The following SARDH variants were observed in gnomAD, a reference collection of about 807,000 sequenced individuals.
SARDH encodes sarcosine dehydrogenase.
A neutral mutation model predicts 109.1 loss-of-function variants in SARDH; 95 were observed. The ratio of observed to expected loss-of-function variants is 0.87; its 90% CI spans 0.74 to 1.03. The LOEUF is 1.03. SARDH is among the 50% of genes least tolerant of loss of function. The pLI, the probability that SARDH is intolerant of heterozygous loss-of-function variation, is 0.00. For missense variants in SARDH, 1,267 were observed against 1,287.8 expected (o/e 0.98, Z 0.25); for synonymous variants, 572 against 534.8 (o/e 1.07, Z -0.96).
rs573878635 is a variant in SARDH at position 133,735,547 on chromosome 9, A to G, written c.-30-1344T>C. The stretch of plus-strand genomic sequence containing the variant: ...GTCACCATGTCCTGGGGACGCAGCA[A>G]CCGTGGTGACTGCAATCCACACAAT... On this transcript the variant is annotated intron_variant, in intron 1 of 20. Transcript: ENST00000439388. Among the ~76,000 whole-genome samples the G allele has an allele frequency of 4.9e-4, 74 of 152,308 alleles. 1 individual carries two copies. In the South Asian group the frequency reaches 0.013, roughly 26 times the overall value.
At chr9:133,701,630 C>T (rs531393766) in intron 13 of SARDH, among the ~76,000 whole-genome samples, 1 of 152,332 alleles carries the variant, frequency 6.6e-6, no homozygotes, top group East Asian at 1.9e-4. Flanking sequence ...GCTTTAGAAG[C>T]TGTGGGTGCG....
Position 133,670,632 on chromosome 9 carries a change from T to C in SARDH, c.2447A>G (p.Gln816Arg). The stretch of plus-strand genomic sequence containing the variant: ...GCGCCGGCGGAGGCCTGCGGCCCGC[T>C]GCTGCTCCAGGGCCTCCCTCCCCAG... ...PFLGREALEQ[Q>R]RAAGLRRRLV... Residue 816 changes from glutamine to arginine, a missense_variant, in exon 19 of 21, where the codon CAG (glutamine) becomes CGG (arginine). Gln to Arg is a conservative substitution (Grantham distance 43, BLOSUM62 1). Coordinates refer to ENST00000439388, the MANE Select transcript of SARDH (RefSeq NM_001134707.2). The C allele has an allele frequency of 6.3e-7, 1 of 1,583,798 alleles. No individual in the cohort carries two copies. Among genetic ancestry groups the C allele is most frequent in the Non-Finnish European group, 8.6e-7 (1 of 1,165,564 alleles).
intron 13 of SARDH, among the ~76,000 whole-genome samples, chr9:133,698,889 C>G (rs934678449): frequency 6.6e-6 from 1 of 152,116 alleles, no homozygotes; most frequent in African/African-American, 2.4e-5. Flanking sequence ...ACACAAGCAA[C>G]AAAACAAAAA....
chr9:133,729,349 A>G (rs1411862900), intron 6 of SARDH, among the ~76,000 whole-genome samples: 1 of 152,120 alleles, frequency 6.6e-6, no homozygotes, highest in Non-Finnish European at 1.5e-5. Context: ...GAAGGCTCTC[A>G]GGGAGGTTAT....
rs1452007530 is a variant in SARDH at position 133,731,425 on chromosome 9, CAG to C, written c.568_569del (p.Leu190ValfsTer43). The C allele has an allele frequency of 1.9e-6, 3 of 1,614,050 alleles. No individual in the cohort carries two copies. Among genetic ancestry groups the C allele is most frequent in the East Asian group, 2.2e-5 (1 of 44,892 alleles). On this transcript the variant is annotated frameshift_variant, in exon 4 of 21. Transcript: ENST00000439388. LOFTEE classifies it high-confidence loss of function. The part of the protein sequence containing the change: ...HVLSPAETKT[L>X]YPLMNVDDLY... ...GGTCGTCCACATTCATCAGCGGGTA[CAG>C]AGTCTTGGTCTCTGCCGGGCTCAGC...
rs374925814 is a variant in SARDH, at chr9:133,712,757, C to A, written c.1238-48G>T. ...GCTGCGGTCTGCCCCCCAGGGTCCCCCACCCATGTCCAAACATGTGCCCCC... is the reference window on the plus strand; with the variant it reads ...GCTGCGGTCTGCCCCCCAGGGTCCCACACCCATGTCCAAACATGTGCCCCC... On this transcript the variant is annotated intron_variant, in intron 9 of 20. Coordinates refer to ENST00000439388, the MANE Select transcript of SARDH (RefSeq NM_001134707.2). This position sits in a 1 kb window ranked among gnomAD's most constrained non-coding sequence, Gnocchi z 4.1. The A allele has an allele frequency of 6.5e-7, 1 of 1,550,164 alleles. No individual in the cohort carries two copies. The highest frequency in any genetic ancestry group is 1.1e-5 in the South Asian group (1 of 89,604).
At chr9:133,674,921 A>C (rs939370577) in intron 17 of SARDH, among the ~76,000 whole-genome samples, 1 of 152,272 alleles carries the variant, frequency 6.6e-6, no homozygotes, top group Non-Finnish European at 1.5e-5. Flanking sequence ...ACGCTAACAA[A>C]GAGTGAAAAG....
Position 133,693,465 on chromosome 9 carries a change from C to T in SARDH, c.1921+793G>A, listed in dbSNP as rs1445282172. Among the ~76,000 whole-genome samples, 4 of 152,222 alleles carry T rather than the reference C, an allele frequency of 2.6e-5. No homozygotes were observed. Among genetic ancestry groups the T allele is most frequent in the Admixed American group, 1.3e-4 (2 of 15,282 alleles). On this transcript the variant is annotated intron_variant, in intron 15 of 20. Transcript: ENST00000439388. The surrounding 1 kb of genome is among the most constrained non-coding windows in gnomAD (Gnocchi z 5.6). ...TTTTCTGAATGGGCTGAGCCCTCCC[C>T]GCTGACTGTGCCCCTGCCCCGGGGA...
rs1831180518 is a variant in SARDH, at chr9:133,693,668, G to A, written c.1921+590C>T. ...GTGTGAACCCAGGGACAGGATCAGG[G>A]AGCTGAAGGGACAAGAGGCAGGTCC... is the stretch of plus-strand genomic sequence containing the variant. On this transcript the variant is annotated intron_variant, in intron 15 of 20. Transcript: ENST00000439388. The surrounding 1 kb of genome is among the most constrained non-coding windows in gnomAD (Gnocchi z 5.6). Among the ~76,000 whole-genome samples the A allele has an allele frequency of 6.6e-6, 1 of 152,180 alleles. No individual in the cohort carries two copies. Among genetic ancestry groups the A allele is most frequent in the African/African-American group, 2.4e-5 (1 of 41,440 alleles).
At chr9:133,698,172 G>A (rs1292083228) in intron 13 of SARDH, among the ~76,000 whole-genome samples, 1 of 151,966 alleles carries the variant, frequency 6.6e-6, no homozygotes, top group Non-Finnish European at 1.5e-5. Context: ...AATTATATTT[G>A]TAATATCATC....
At position 133,666,808 on chromosome 9, in the gene SARDH, C is replaced by T. The variant is rs375197945; in HGVS notation, c.2558G>A (p.Arg853Gln). 19 of 1,608,020 alleles carry T rather than the reference C, an allele frequency of 1.2e-5. No individual in the cohort carries two copies. The highest frequency in any genetic ancestry group is 1.5e-5 in the Non-Finnish European group (18 of 1,177,584). The change falls in exon 20 of 21, where the codon CGG becomes CAG. Residue 853 changes from arginine (R) to glutamine (Q), a missense_variant. Arg to Gln is a conservative substitution (Grantham distance 43). Coordinates refer to ENST00000439388, the MANE Select transcript of SARDH (RefSeq NM_001134707.2). This position sits in a 1 kb window ranked among gnomAD's most constrained non-coding sequence, Gnocchi z 5.2. The part of the protein sequence containing the change: ...WRNGQVVGHV[R>Q]RADFGFAIDK... ...GATGGCGAACCCAAAGTCAGCCCTC[C>T]GGACATGGCCCACCACTTGGCCGTT...
chr9:133,673,564 G>C (rs1000757571), intron 17 of SARDH, among the ~76,000 whole-genome samples: 1 of 152,234 alleles, frequency 6.6e-6, no homozygotes, highest in African/African-American at 2.4e-5. Flanking sequence ...CGAGGGGCTG[G>C]ATTCTAAAAG....
chr9:133,694,619 A>C lies in SARDH; in HGVS notation c.1808-248T>G, dbSNP rs566633140. 2.0e-5 allele frequency among the ~76,000 whole-genome samples: 3 copies of C among 152,344 alleles called. No homozygotes were observed. In the South Asian group the frequency reaches 6.2e-4, roughly 32 times the overall value. ...ATCACCGTCACCCTTGCGGGAAGGA[A>C]GCTTCTTTCTTCTTGAAATGCCTTG... is the stretch of plus-strand genomic sequence containing the variant. On this transcript the variant is annotated intron_variant, in intron 14 of 20. Transcript: ENST00000439388.
intron 19 of SARDH, 137 bp downstream of exon 19, chr9:133,670,447 G>A (rs1242661961): frequency 1.1e-6 from 1 of 928,050 alleles, no homozygotes; most frequent in Non-Finnish European, 1.6e-6. Context: ...TGGGCTGTTG[G>A]GTGCGTTCTG....
chr9:133,679,388 C>T (rs959072814), intron 17 of SARDH, among the ~76,000 whole-genome samples: 6 of 152,234 alleles, frequency 3.9e-5, no homozygotes, highest in African/African-American at 1.4e-4. Context: ...ATCCTAACAG[C>T]GCCGCGACTA....
chr9:133,734,043 C>T lies in SARDH; in HGVS notation c.131G>A (p.Arg44Gln), dbSNP rs775775395. 5.0e-5 allele frequency: 80 copies of T among 1,613,366 alleles called. 3 individuals carry two copies. The highest frequency in any genetic ancestry group is 4.2e-4 in the South Asian group (38 of 91,086). Residue 44 changes from arginine (R) to glutamine (Q), a missense_variant, in exon 2 of 21, where the codon CGG becomes CAG. Physicochemically the swap from Arg to Gln is conservative, Grantham distance 43 (BLOSUM62 1). Transcript: ENST00000439388. ...PTAEKSVPYQ[R>Q]TLKEGQGTSV... ...GGTGCCCTGTCCCTCCTTCAGGGTC[C>T]GCTGATATGGCACACTCTTCTCGGC...
Position 133,738,030 on chromosome 9 carries a change from G to A in SARDH, c.-31+224C>T, listed in dbSNP as rs566361179. Among the ~76,000 whole-genome samples, 28 of 152,300 alleles carry A rather than the reference G, an allele frequency of 1.8e-4. 1 individual carries two copies. The highest frequency in any genetic ancestry group is 3.4e-3 in the Middle Eastern group (1 of 292). ...GTGGTGGGGGTCAAGCGAGGAGAGC[G>A]CCTGGCACCTTCGCCTGGTGAGGGT... On this transcript the variant is annotated intron_variant, in intron 1 of 20. Transcript: ENST00000439388.
chr9:133,685,874 C>T (rs1409454642), intron 16 of SARDH, among the ~76,000 whole-genome samples: 2 of 152,240 alleles, frequency 1.3e-5, no homozygotes, highest in East Asian at 1.9e-4. Flanking sequence ...GACACCACCC[C>T]GCTCTGTTCC....
At chr9:133,677,530 C>A (rs1323239974) in intron 17 of SARDH, among the ~76,000 whole-genome samples, 1 of 152,174 alleles carries the variant, frequency 6.6e-6, no homozygotes, top group African/African-American at 2.4e-5. Flanking sequence ...TGGAATCAAA[C>A]CCATGAAGGG....
Sources: gnomAD v4.1 joint callset for allele counts (sites outside exome capture counted in the v4.1 genomes callset) on GRCh38, gnomAD v4.1.1 for gene constraint, Gnocchi (gnomAD v3.1) non-coding constraint, MANE v1.5 for transcripts, NCBI Gene and HGNC (gene_info 2026-07-23, HGNC 2026-07-21) for gene names.